The following DNAH6 variants were observed in gnomAD, a reference collection of about 807,000 sequenced individuals.
DNAH6 encodes axonemal beta dynein heavy chain 6.
DNAH6 carries 340 observed loss-of-function variants against 491.4 expected under a neutral mutation model. That is an observed-to-expected ratio of 0.69 (90% CI 0.63 to 0.76). The LOEUF is 0.76. DNAH6 is among the 30% of genes least tolerant of loss of function. DNAH6 has a pLI of 0.00. For synonymous variants in DNAH6, 1,603 were observed against 1,686.1 expected (o/e 0.95, Z 1.21); for missense variants, 4,443 against 4,972.2 (o/e 0.89, Z 3.20).
At chr2:84,546,887 A>G (rs565951495) in intron 5 of DNAH6, among the ~76,000 whole-genome samples, 1 of 152,310 alleles carries the variant, frequency 6.6e-6, no homozygotes, top group East Asian at 1.9e-4. Flanking sequence ...TCTGTGTCCC[A>G]GCCTCTTAAA....
the DNAH6 span, among the ~76,000 whole-genome samples, chr2:84,499,640 T>G: frequency 1.3e-5 from 2 of 152,350 alleles, no homozygotes; most frequent in South Asian, 2.1e-4. Flanking sequence ...GTGGTTGTAC[T>G]AATTTGGATT....
chr2:84,796,723 A>G (rs1053885642), intron 69 of DNAH6, among the ~76,000 whole-genome samples: 10 of 152,214 alleles, frequency 6.6e-5, no homozygotes, highest in Admixed American at 5.2e-4. Context: ...ACATCCAGAC[A>G]TAGTGGCACA....
chr2:84,483,487 G>A, the DNAH6 span, among the ~76,000 whole-genome samples: 1 of 152,048 alleles, frequency 6.6e-6, no homozygotes, highest in Non-Finnish European at 1.5e-5. Context: ...AATCAACCTA[G>A]AGATAGCACA....
chr2:84,718,517 G>T, intron 59 of DNAH6, 133 bp downstream of exon 59: 1 of 618,440 alleles, frequency 1.6e-6, no homozygotes, highest in Non-Finnish European at 2.5e-6. Flanking sequence ...ACACAGACGG[G>T]TGCCTGCCTG....
At chr2:84,604,258 A>C in intron 18 of DNAH6, 81 bp from the exon 19 acceptor site, 1 of 1,104,354 alleles carries the variant, frequency 9.1e-7, no homozygotes, top group East Asian at 2.6e-5. Context: ...AGCTCTCTAC[A>C]TGCACAAATT....
intron 24 of DNAH6, 64 bp downstream of exon 24, chr2:84,619,968 A>G: frequency 7.4e-7 from 1 of 1,351,440 alleles, no homozygotes; most frequent in East Asian, 2.5e-5. Context: ...GGTTATTCTC[A>G]CTCTAAGCAT....
At chr2:84,625,565 G>A (rs928452977) in intron 29 of DNAH6, among the ~76,000 whole-genome samples, 8 of 151,952 alleles carry the variant, frequency 5.3e-5, no homozygotes, top group Non-Finnish European at 1.2e-4. Flanking sequence ...TATGGGTTAC[G>A]TATGTTGATA....
At chr2:84,638,448 G>A (rs1417324727) in intron 31 of DNAH6, among the ~76,000 whole-genome samples, 1 of 151,656 alleles carries the variant, frequency 6.6e-6, no homozygotes, top group Non-Finnish European at 1.5e-5. Context: ...AAAATATAAG[G>A]CATTTTTAGG....
At chr2:84,796,505 C>A in intron 69 of DNAH6, 80 bp downstream of exon 69, 1 of 1,256,682 alleles carries the variant, frequency 8.0e-7, no homozygotes, top group Non-Finnish European at 1.1e-6. Context: ...CACCCAGGGG[C>A]TGTCTGTGTC....
intron 11 of DNAH6, among the ~76,000 whole-genome samples, chr2:84,566,420 T>G (rs575024019): frequency 4.6e-5 from 7 of 152,134 alleles, no homozygotes; most frequent in South Asian, 2.1e-4. Context: ...GATGGACACT[T>G]TTATGTTTTT....
chr2:84,606,880 T>G, intron 20 of DNAH6, 96 bp from the exon 21 acceptor site: 1 of 1,300,748 alleles, frequency 7.7e-7, no homozygotes, highest in Non-Finnish European at 1.1e-6. Context: ...TTCAAAGAGT[T>G]GACTTTTAAG....
intron 4 of DNAH6, among the ~76,000 whole-genome samples, chr2:84,539,913 T>A (rs1678077768): frequency 6.6e-6 from 1 of 152,204 alleles, no homozygotes; most frequent in Non-Finnish European, 1.5e-5. Flanking sequence ...AGTCTCATAT[T>A]GAGTCATGGC....
At chr2:84,623,278 AG>A (rs1687564479) in intron 26 of DNAH6, among the ~76,000 whole-genome samples, 1 of 152,230 alleles carries the variant, frequency 6.6e-6, no homozygotes, top group South Asian at 2.1e-4. Flanking sequence ...TTGCACAGCA[AG>A]GAAACAATCA....
chr2:84,481,548 A>G, the DNAH6 span, among the ~76,000 whole-genome samples: 1 of 152,184 alleles, frequency 6.6e-6, no homozygotes, highest in South Asian at 2.1e-4. Context: ...CAGCAGTGTC[A>G]CCTTGGGAAG....
intron 47 of DNAH6, 136 bp downstream of exon 47, chr2:84,697,863 T>A: frequency 1.1e-6 from 1 of 933,076 alleles, no homozygotes; most frequent in Middle Eastern, 2.3e-4. Context: ...TTGTATTCGA[T>A]GTATTTTATT....
chr2:84,791,646 TTA>T (rs970799989), intron 68 of DNAH6, among the ~76,000 whole-genome samples: 5 of 149,736 alleles, frequency 3.3e-5, no homozygotes, highest in East Asian at 3.9e-4. Flanking sequence ...ATTAATGAAT[TTA>T]TATATATATA....
chr2:84,525,768 TTTAAC>T (rs1358486981), intron 3 of DNAH6, 30 bp downstream of exon 3: 13 of 1,478,898 alleles, frequency 8.8e-6, no homozygotes, highest in African/African-American at 1.4e-5. Context: ...AATTGATTCT[TTTAAC>T]TTAATTTTGT....
chr2:84,466,724 C>A, the DNAH6 span, among the ~76,000 whole-genome samples: 1 of 152,160 alleles, frequency 6.6e-6, no homozygotes, highest in Non-Finnish European at 1.5e-5. Context: ...TTTAAGAATA[C>A]CAGTTAGAGT....
chr2:84,496,155 C>T, the DNAH6 span, among the ~76,000 whole-genome samples: 1 of 152,218 alleles, frequency 6.6e-6, no homozygotes, highest in Non-Finnish European at 1.5e-5. Context: ...GGACAGATGT[C>T]ATTTCTTTTT....
Sources: allele counts gnomAD v4.1 joint callset (sites outside exome capture counted in the v4.1 genomes callset), GRCh38; gene constraint gnomAD v4.1.1; transcripts MANE v1.5; gene names NCBI Gene and HGNC (gene_info 2026-07-23, HGNC 2026-07-21).